The following CTBP1 variants were observed in gnomAD, a reference collection of about 807,000 sequenced individuals.
The protein encoded by CTBP1 is C-terminal-binding protein 1.
CTBP1 carries 11 observed loss-of-function variants against 42.1 expected under a neutral mutation model. The observed-to-expected ratio is 0.26, with a 90% CI of 0.16 to 0.43. CTBP1 has a LOEUF of 0.43. Among genes scored for constraint, CTBP1 ranks in the 20% least tolerant of loss-of-function variants. The pLI is 1.00. For synonymous variants in CTBP1, 324 were observed against 277.1 expected, an observed-to-expected ratio of 1.17 and a Z score of -1.68; for missense variants, 399 against 624.3, an observed-to-expected ratio of 0.64 and a Z score of 3.85.
chr4:1,223,650 T>C, intron 5 of CTBP1: 1 of 367,456 alleles, frequency 2.7e-6, no homozygotes, highest in Non-Finnish European at 5.4e-6. Context: ...CCAGGGAGTC[T>C]TCAGAAAAGG....
Position 1,213,523 on chromosome 4 carries a change from C to T in CTBP1, c.943G>A (p.Glu315Lys), listed in dbSNP as rs1390818109. 6.2e-7 allele frequency: 1 copy of T among 1,613,014 alleles called. No homozygotes were observed. The highest frequency in any genetic ancestry group is 1.7e-5 in the Admixed American group (1 of 60,010). The change falls in exon 8 of 10, where the codon GAG (glutamate) becomes AAG (lysine). Residue 315 changes from glutamate to lysine, a missense_variant. This residue lies in a region of CTBP1 where 309 missense variants were observed against 497.5 expected (regional missense o/e 0.62). Transcript: ENST00000382952. Reference protein sequence around the residue: ...AAWYSEQASIEMREEAAREIR... With the variant: ...AAWYSEQASIKMREEAAREIR... ...TCCCGTGCCGCCTCCTCTCGCATCT[C>T]GATGGATGCCTGCTCGCTGTACCAT...
Position 1,225,454 on chromosome 4 carries a change from C to T in CTBP1, c.420G>A (p.Arg140=), listed in dbSNP as rs1307294495. ...CGACGCTCTGGACTCGTGTGCCCTC[C>T]CGCAGCGCCTGGTGCAGCCAGGTGG... is the stretch of plus-strand genomic sequence containing the variant. ...RRATWLHQAL[R]EGTRVQSVEQ... The change falls in exon 5 of 10, where the codon CGG becomes CGA. Residue 140 remains arginine (R), a synonymous_variant. Transcript: ENST00000382952. 1 of 1,543,950 alleles carries T rather than the reference C, an allele frequency of 6.5e-7. No individual in the cohort carries two copies. Among genetic ancestry groups the T allele is most frequent in the East Asian group, 2.4e-5 (1 of 40,918 alleles).
At chr4:1,219,691 A>C (rs1160865146) in intron 5 of CTBP1, among the ~76,000 whole-genome samples, 5 of 152,374 alleles carry the variant, frequency 3.3e-5, no homozygotes, top group Admixed American at 6.5e-5. Context: ...TGTGTGCAAG[A>C]GAAAATTCAA....
At chr4:1,223,826 C>G (rs77229204) in intron 5 of CTBP1, among the ~76,000 whole-genome samples, 3 of 152,228 alleles carry the variant, frequency 2.0e-5, no homozygotes, top group Non-Finnish European at 4.4e-5. Flanking sequence ...CACACACACA[C>G]GTGCACAAAC....
At chr4:1,248,581 C>G (rs1234493456) in intron 1 of CTBP1, 1 of 706,304 alleles carries the variant, frequency 1.4e-6, no homozygotes, top group Non-Finnish European at 1.7e-6. Context: ...GGGTGCCGTC[C>G]CGGGTCCGAC....
Position 1,214,375 on chromosome 4 carries a change from C to G in CTBP1, c.828G>C (p.Ala276=), listed in dbSNP as rs766411525. Residue 276 remains alanine (A), a synonymous_variant, in exon 7 of 10, where the codon GCG becomes GCC. Coordinates refer to ENST00000382952, the MANE Select transcript of CTBP1 (RefSeq NM_001012614.2). The part of the protein sequence containing the change: ...QALKEGRIRG[A]ALDVHESEPF... The stretch of plus-strand genomic sequence containing the variant: ...GTTCCGACTCGTGCACATCCAGGGC[C>G]GCGCCGCGGATCCGGCCCTCCTTCA... 6.4e-7 allele frequency: 1 copy of G among 1,566,190 alleles called. No homozygotes were observed. Among genetic ancestry groups the G allele is most frequent in the African/African-American group, 1.4e-5 (1 of 71,974 alleles).
chr4:1,222,354 G>A (rs1481723054), intron 5 of CTBP1, among the ~76,000 whole-genome samples: 7 of 152,226 alleles, frequency 4.6e-5, no homozygotes, highest in Non-Finnish European at 7.4e-5. Flanking sequence ...CTCAGCTCCC[G>A]AGGCCGAGGG....
At chr4:1,224,647 T>A (rs748419430) in intron 5 of CTBP1, among the ~76,000 whole-genome samples, 1 of 150,248 alleles carries the variant, frequency 6.7e-6, no homozygotes, top group African/African-American at 2.5e-5. Flanking sequence ...GTGTGTGACA[T>A]CTGTGCAGGC....
At chr4:1,222,446 C>G (rs962358889) in intron 5 of CTBP1, among the ~76,000 whole-genome samples, 1 of 152,138 alleles carries the variant, frequency 6.6e-6, no homozygotes, top group Non-Finnish European at 1.5e-5. Context: ...AGCTGCCCCC[C>G]AGCAGCTCCA....
chr4:1,212,329 G>C lies in CTBP1; in HGVS notation c.1201C>G (p.Pro401Ala), dbSNP rs1251553462. 2.0e-6 allele frequency: 3 copies of C among 1,519,498 alleles called. No individual in the cohort carries two copies. The highest frequency in any genetic ancestry group is 2.6e-6 in the Non-Finnish European group (3 of 1,137,962). The allele number at this position is 1,519,498 out of a possible 1,614,324, so 94.1% of individuals were successfully genotyped here. Residue 401 changes from proline to alanine, a missense_variant, in exon 10 of 10, where the codon CCC becomes GCC. This residue lies in a region of CTBP1 where 60 missense variants were observed against 46.5 expected (regional missense o/e 1.29). Transcript: ENST00000382952. ...PSAMSLSHGL[P>A]PVAHPPHAPS... is the part of the protein sequence containing the mutation. Reference sequence around the variant, plus strand: ...GCGTGGGGCGGGTGGGCCACAGGGGGCAGGCCGTGGGACAGGGACATGGCG... The same window carrying C: ...GCGTGGGGCGGGTGGGCCACAGGGGCCAGGCCGTGGGACAGGGACATGGCG...
At chr4:1,241,971 C>A in intron 1 of CTBP1, 1 of 1,015,578 alleles carries the variant, frequency 9.8e-7, no homozygotes, top group African/African-American at 1.7e-5. Flanking sequence ...CAGGCAAGGA[C>A]GTGGAACTTC....
chr4:1,214,363 C>A lies in CTBP1; in HGVS notation c.840G>T (p.Val280=), dbSNP rs2108706713. The change falls in exon 7 of 10, where the codon GTG becomes GTT. Residue 280 remains valine, a synonymous_variant. Coordinates refer to ENST00000382952, the MANE Select transcript of CTBP1 (RefSeq NM_001012614.2). The part of the protein sequence containing the change: ...EGRIRGAALD[V]HESEPFSFSQ... Reference sequence around the variant, plus strand: ...GGCACCTGAAGGGTTCCGACTCGTGCACATCCAGGGCCGCGCCGCGGATCC... The same window carrying A: ...GGCACCTGAAGGGTTCCGACTCGTGAACATCCAGGGCCGCGCCGCGGATCC... The A allele has an allele frequency of 1.3e-6, 2 of 1,566,774 alleles. No individual in the cohort carries two copies. The highest frequency in any genetic ancestry group is 3.4e-4 in the Middle Eastern group (2 of 5,912).
intron 3 of CTBP1, among the ~76,000 whole-genome samples, chr4:1,229,007 T>C (rs112533300): frequency 6.6e-6 from 1 of 152,210 alleles, no homozygotes; most frequent in East Asian, 1.9e-4. Flanking sequence ...TTAATTTCAG[T>C]GTCCATGACA....
At chr4:1,243,868 G>T in intron 1 of CTBP1, 1 of 985,438 alleles carries the variant, frequency 1.0e-6, no homozygotes, top group East Asian at 1.1e-4. Context: ...TCAGCCCAGC[G>T]ACACGAGGAC....
In CTBP1 at chr4:1,227,074, C is replaced by T. The variant is rs75329749; in HGVS notation, c.307+1125G>A. 6.0e-4 allele frequency among the ~76,000 whole-genome samples: 92 copies of T among 152,086 alleles called. 1 individual carries two copies. In the East Asian group the frequency reaches 0.017, roughly 28 times the overall value. ...CGAGCCTGGCAGAAAACAGAAAGTG[C>T]GCTCCAAGCAGGACGGCCAAGCACC... On this transcript the variant is annotated intron_variant, in intron 4 of 9. Transcript: ENST00000382952.
At chr4:1,245,017 T>C (rs1427932034) in intron 1 of CTBP1, 2 of 985,294 alleles carry the variant, frequency 2.0e-6, no homozygotes, top group African/African-American at 1.7e-5. Context: ...CACAGCAGCA[T>C]GGAGCCACTG....
intron 5 of CTBP1, chr4:1,218,672 T>A (rs1015578896): frequency 1.3e-5 from 2 of 151,726 alleles, no homozygotes; most frequent in African/African-American, 4.9e-5. Context: ...GGCCCGAGGG[T>A]GAGAGGAGCC....
At position 1,235,198 on chromosome 4, in the gene CTBP1, G is replaced by A. The variant is rs1349595271; in HGVS notation, c.162+2985C>T. 1.3e-5 allele frequency: 2 copies of A among 152,302 alleles called. No individual in the cohort carries two copies. The highest frequency in any genetic ancestry group is 3.9e-4 in the East Asian group (2 of 5,182). 9.4% of individuals were successfully genotyped at this position (152,302 alleles called of 1,614,324 possible). On this transcript the variant is annotated intron_variant, in intron 3 of 9. Transcript: ENST00000382952. This position sits in a 1 kb window ranked among gnomAD's most constrained non-coding sequence, Gnocchi z 4.2. ...GGCTATGGTGAGTTAAGCTGCTAGG[G>A]AGCATGACGTGCAGGTCTGTGTGTG...
chr4:1,245,270 T>A, intron 1 of CTBP1: 1 of 985,394 alleles, frequency 1.0e-6, no homozygotes, highest in Non-Finnish European at 1.2e-6. Context: ...AAGGCATGGA[T>A]TTGCCAGCAA....
Sources: gnomAD v4.1 joint callset for allele counts (sites outside exome capture counted in the v4.1 genomes callset) on GRCh38, gnomAD v4.1.1 for gene constraint, gnomAD v4.1.1 regional missense constraint, Gnocchi (gnomAD v3.1) non-coding constraint, MANE v1.5 for transcripts, NCBI Gene and HGNC (gene_info 2026-07-23, HGNC 2026-07-21) for gene names.